Variants in NEBL observed in about 807,000 individuals in gnomAD.
NEBL encodes LIM and SH3 protein 2.
A neutral mutation model predicts 140.2 loss-of-function variants in NEBL; 122 were observed. The ratio of observed to expected loss-of-function variants is 0.87; its 90% CI spans 0.75 to 1.01. The LOEUF (loss-of-function observed/expected upper bound fraction) is 1.01. Ranked by LOEUF, NEBL falls within the 50% of genes least tolerant of loss-of-function variation. The pLI, the probability that NEBL is intolerant of heterozygous loss-of-function variation, is 0.00. For synonymous variants in NEBL, 436 were observed against 398.9 expected (o/e 1.09, Z -1.11); for missense variants, 1,365 against 1,231.3 (o/e 1.11, Z -1.62).
chr10:20,833,675 G>A (rs1840624745), intron 14 of NEBL, among the ~76,000 whole-genome samples: 1 of 151,878 alleles, frequency 6.6e-6, no homozygotes, highest in African/African-American at 2.4e-5. Flanking sequence ...ATGTCTACTA[G>A]GACCCTGGAG....
intron 2 of NEBL, among the ~76,000 whole-genome samples, chr10:21,027,567 T>A (rs1833566782): frequency 6.6e-6 from 1 of 152,086 alleles, no homozygotes; most frequent in South Asian, 2.1e-4. Flanking sequence ...TGGGCTCAAG[T>A]GGTCCAATCA....
At chr10:21,149,969 G>C (rs1840074339) in intron 2 of NEBL, among the ~76,000 whole-genome samples, 1 of 152,154 alleles carries the variant, frequency 6.6e-6, no homozygotes, top group Non-Finnish European at 1.5e-5. Context: ...TAAAAGCAGA[G>C]GAAAAACAGT....
chr10:20,818,244 T>C (rs1348891179), intron 20 of NEBL, among the ~76,000 whole-genome samples: 5 of 149,544 alleles, frequency 3.3e-5, no homozygotes, highest in African/African-American at 1.2e-4. Context: ...GGCTTTTGTT[T>C]GTATTGGTGA....
intron 2 of NEBL, among the ~76,000 whole-genome samples, chr10:21,021,714 T>A (rs1426045152): frequency 6.6e-6 from 1 of 152,212 alleles, no homozygotes. Flanking sequence ...AATGCTTATC[T>A]TGCTCATGGC....
chr10:20,806,229 T>G (rs1837604605), intron 26 of NEBL, among the ~76,000 whole-genome samples: 1 of 152,152 alleles, frequency 6.6e-6, no homozygotes, highest in Non-Finnish European at 1.5e-5. Context: ...GGTCTGCTGC[T>G]GCAGAGGGAG....
intron 4 of NEBL, among the ~76,000 whole-genome samples, chr10:20,957,303 A>G (rs1014328110): frequency 6.6e-6 from 1 of 152,196 alleles, no homozygotes; most frequent in Non-Finnish European, 1.5e-5. Flanking sequence ...TCAGTGAAAA[A>G]TTATGTAGTG....
chr10:21,247,205 T>C (rs567020382), intron 3 of NEBL, among the ~76,000 whole-genome samples: 14 of 152,288 alleles, frequency 9.2e-5, no homozygotes, highest in South Asian at 2.1e-4. Context: ...CTTCATAAAT[T>C]ACCCAGTCTC....
chr10:21,087,116 A>C (rs576319882), intron 2 of NEBL, among the ~76,000 whole-genome samples: 15 of 152,288 alleles, frequency 9.8e-5, no homozygotes, highest in Admixed American at 9.2e-4. Flanking sequence ...CATATGACAC[A>C]GTGTCACATT....
In NEBL at chr10:21,025,577, G is replaced by A. The variant is rs538519667; in HGVS notation, c.165-5376C>T. 6.6e-5 allele frequency among the ~76,000 whole-genome samples: 10 copies of A among 152,262 alleles called. No individual in the cohort carries two copies. In the South Asian group the frequency reaches 2.1e-3, roughly 32 times the overall value. ...CAGAGCTCGTCAAAATGCAGGAAGC[G>A]ACATAAGCAAATGGCAACCTCCATG... On this transcript the variant is annotated intron_variant, in intron 2 of 6. Coordinates refer to the NEBL transcript ENST00000417816.
chr10:21,029,339 A>T, intron 2 of NEBL: 2 of 1,611,366 alleles, frequency 1.2e-6, no homozygotes, highest in Non-Finnish European at 1.7e-6. Flanking sequence ...TCAATTAAGG[A>T]ATTCTTTAGA....
intron 2 of NEBL, among the ~76,000 whole-genome samples, chr10:21,071,762 G>T (rs1835826790): frequency 6.6e-6 from 1 of 152,024 alleles, no homozygotes; most frequent in South Asian, 2.1e-4. Flanking sequence ...TTCTTTTGCA[G>T]TTCCAAAGAT....
At chr10:21,208,332 C>A (rs1234273472) in intron 3 of NEBL, among the ~76,000 whole-genome samples, 1 of 152,108 alleles carries the variant, frequency 6.6e-6, no homozygotes, top group Non-Finnish European at 1.5e-5. Flanking sequence ...TCATAATGTG[C>A]AAGTTGTTGT....
intron 3 of NEBL, among the ~76,000 whole-genome samples, chr10:21,009,890 A>G (rs1389931841): frequency 6.6e-6 from 1 of 152,172 alleles, no homozygotes; most frequent in Non-Finnish European, 1.5e-5. Context: ...AAGCACACAT[A>G]TATGTACTTC....
chr10:21,104,732 TACTGC>T (rs527878525), intron 2 of NEBL, among the ~76,000 whole-genome samples: 92 of 152,308 alleles, frequency 6.0e-4, no homozygotes, highest in African/African-American at 2.2e-3. Flanking sequence ...TCTCCTGCCT[TACTGC>T]ACTGATAAGA....
intron 2 of NEBL, chr10:21,112,750 A>G (rs910958052): frequency 3.1e-5 from 5 of 159,470 alleles, no homozygotes; most frequent in African/African-American, 4.8e-5. Context: ...ATAAAAAAAA[A>G]AAAAGAAAAA....
intron 3 of NEBL, among the ~76,000 whole-genome samples, chr10:21,221,752 G>A (rs188966051): frequency 3.9e-5 from 6 of 152,148 alleles, no homozygotes; most frequent in East Asian, 1.9e-4. Flanking sequence ...TGATCCGCCC[G>A]CCTTGACCTC....
At chr10:21,081,164 T>C (rs1320381535) in intron 2 of NEBL, among the ~76,000 whole-genome samples, 1 of 152,206 alleles carries the variant, frequency 6.6e-6, no homozygotes, top group African/African-American at 2.4e-5. Context: ...TGATCTGGTA[T>C]TATTTAATAG....
intron 2 of NEBL, among the ~76,000 whole-genome samples, chr10:21,135,434 TA>T (rs35676602): frequency 0.012 from 1,580 of 134,274 alleles, 15 homozygotes; most frequent in African/African-American, 0.023. Context: ...TCAGTGGAGA[TA>T]AAAAAAAAAA....
At chr10:21,113,091 A>C (rs1213981060) in intron 2 of NEBL, 1 of 238,844 alleles carries the variant, frequency 4.2e-6, no homozygotes, top group Non-Finnish European at 8.0e-6. Flanking sequence ...GGAGAATAAG[A>C]ATAAGAAGAA....
Sources: gnomAD v4.1 joint callset for allele counts (sites outside exome capture counted in the v4.1 genomes callset) on GRCh38, gnomAD v4.1.1 for gene constraint, MANE v1.5 for transcripts, NCBI Gene and HGNC (gene_info 2026-07-23, HGNC 2026-07-21) for gene names.